TMEM201: variants seen among roughly 807,000 people sequenced by gnomAD.
TMEM201 encodes the protein RP13-15M17.2.
A neutral mutation model predicts 63.4 loss-of-function variants in TMEM201; 26 were observed. That is an observed-to-expected ratio of 0.41 (90% confidence interval 0.30 to 0.57). The LOEUF (loss-of-function observed/expected upper bound fraction) is 0.57, where lower values mean the gene tolerates loss of function less well. Ranked by LOEUF, TMEM201 falls within the 20% of genes least tolerant of loss-of-function variation. The probability of loss-of-function intolerance (pLI) is 0.29; values close to 1 mark genes in which losing one functional copy is unlikely to be tolerated. For missense variants in TMEM201, 794 were observed against 917.7 expected, an observed-to-expected ratio of 0.87 and a Z score of 1.74; for synonymous variants, 417 against 421.6, an observed-to-expected ratio of 0.99 and a Z score of 0.14.
At position 9,611,160 on chromosome 1, in the gene TMEM201, A is replaced by T. The variant is rs1328536454; in HGVS notation, c.1765+355A>T. ...TTATAGTTAGCCCCCAGCCTTTAAAACCTACAACTTTCAACTTTCACATGA... is the reference window on the plus strand; with the variant it reads ...TTATAGTTAGCCCCCAGCCTTTAAATCCTACAACTTTCAACTTTCACATGA... On this transcript the variant is annotated intron_variant, in intron 9 of 10. Coordinates refer to ENST00000340381, the MANE Select transcript of TMEM201 (RefSeq NM_001130924.3). The T allele has an allele frequency of 1.1e-5, 10 of 897,974 alleles. No individual in the cohort carries two copies. The Admixed American group carries it at 2.9e-4, about 26-fold the overall frequency. The allele number at this position is 897,974 out of a possible 1,614,324, so 55.6% of individuals were successfully genotyped here.
chr1:9,613,301 T>A lies in TMEM201; in HGVS notation c.*218T>A. On this transcript the variant is annotated 3_prime_UTR_variant, in exon 11 of 11. Transcript: ENST00000340381. ...AGGTCACACTCTCTGCCCACTCACC[T>A]CCTTGGCTGACATCGGTTGTGTTTG... The A allele has an allele frequency of 1.7e-6, 1 of 583,890 alleles. No homozygotes were observed. The highest frequency in any genetic ancestry group is 3.1e-6 in the Non-Finnish European group (1 of 327,126). 36.2% of individuals were successfully genotyped at this position (583,890 alleles called of 1,614,324 possible). A position where few individuals can be genotyped will look rare whatever the true frequency, so the allele number is the denominator to read the frequency against.
Position 9,610,722 on chromosome 1 carries a change from C to T in TMEM201, c.1682C>T (p.Ser561Leu), listed in dbSNP as rs1390591100. 8 of 1,550,492 alleles carry T rather than the reference C, an allele frequency of 5.2e-6. No individual in the cohort carries two copies. The highest frequency in any genetic ancestry group is 2.4e-5 in the South Asian group (2 of 84,064). Residue 561 changes from serine to leucine, a missense_variant, in exon 9 of 11, where the codon TCG becomes TTG. Transcript: ENST00000340381. The surrounding 1 kb of genome is among the most constrained non-coding windows in gnomAD (Gnocchi z 4.9). ...PTTPSSSDEH[S>L]PHNGSLFTME... is the part of the protein sequence containing the mutation. ...ACGCCCAGCAGCTCCGATGAGCACTCGCCTCACAACGGCAGCCTCTTCACC... is the reference window on the plus strand; with the variant it reads ...ACGCCCAGCAGCTCCGATGAGCACTTGCCTCACAACGGCAGCCTCTTCACC...
Position 9,604,907 on chromosome 1 carries a change from G to A in TMEM201, c.1160+2635G>A. On this transcript the variant is annotated intron_variant, in intron 6 of 10. Transcript: ENST00000340381. This position sits in a 1 kb window ranked among gnomAD's most constrained non-coding sequence, Gnocchi z 4.1. ...GCGCCTGGCCTAGATGTCGTGTTTT[G>A]GATGCTGTGTTTTCAATAAATGCCT... is the stretch of plus-strand genomic sequence containing the variant. 1.0e-6 allele frequency: 1 copy of A among 985,876 alleles called. No individual in the cohort carries two copies. Among genetic ancestry groups the A allele is most frequent in the African/African-American group, 1.7e-5 (1 of 57,340 alleles). 61.1% of individuals were successfully genotyped at this position (985,876 alleles called of 1,614,324 possible). A position where few individuals can be genotyped will look rare whatever the true frequency, so the allele number is the denominator to read the frequency against.
At chr1:9,598,424 C>G (rs951989917) in intron 3 of TMEM201, 25 bp from the exon 4 acceptor site, 1 of 1,599,410 alleles carries the variant, frequency 6.3e-7, no homozygotes, top group South Asian at 1.1e-5. Flanking sequence ...CTGCAGATGC[C>G]GAGCCTGTTC....
At position 9,610,594 on chromosome 1, in the gene TMEM201, C is replaced by T. The variant is rs1293350868; in HGVS notation, c.1554C>T (p.Ser518=). 13 of 1,550,460 alleles carry T rather than the reference C, an allele frequency of 8.4e-6. No homozygotes were observed. The East Asian group carries it at 2.0e-4, about 23-fold the overall frequency. ...PSVAGSVASS[S]GSLRHRRPLI... is the part of the protein sequence containing the mutation. ...TGGCCGGCTCGGTGGCCTCCAGCTCCGGCTCTCTGCGCCACCGCAGGCCCC... is the reference window on the plus strand; with the variant it reads ...TGGCCGGCTCGGTGGCCTCCAGCTCTGGCTCTCTGCGCCACCGCAGGCCCC... Residue 518 remains serine (S), a synonymous_variant, in exon 9 of 11, where the codon TCC becomes TCT. Coordinates refer to ENST00000340381, the MANE Select transcript of TMEM201 (RefSeq NM_001130924.3). This position sits in a 1 kb window ranked among gnomAD's most constrained non-coding sequence, Gnocchi z 4.9.
Position 9,609,922 on chromosome 1 carries a change from CAG to C in TMEM201, c.1465+16_1465+17del. ...AGTTTCCTGTTTCAGGTGAGGAAGACAGAGAGCTAAGTGGGGGACGGGGCAAC... is the reference window on the plus strand; with the variant it reads ...AGTTTCCTGTTTCAGGTGAGGAAGACAGAGCTAAGTGGGGGACGGGGCAAC... On this transcript the variant is annotated intron_variant, in intron 8 of 10. Transcript: ENST00000340381. The C allele has an allele frequency of 6.4e-7, 1 of 1,551,164 alleles. No homozygotes were observed. Among genetic ancestry groups the C allele is most frequent in the South Asian group, 1.2e-5 (1 of 84,056 alleles).
chr1:9,594,107 C>T (rs1156713748), intron 1 of TMEM201, among the ~76,000 whole-genome samples: 3 of 152,254 alleles, frequency 2.0e-5, no homozygotes, highest in Non-Finnish European at 2.9e-5. Flanking sequence ...CTCACAGTGG[C>T]CTCTCCTGGG....
rs1644270308 is a variant in TMEM201 at position 9,607,886 on chromosome 1, T to C, written c.1393+97T>C. On this transcript the variant is annotated intron_variant, in intron 7 of 10. Transcript: ENST00000340381. This position sits in a 1 kb window ranked among gnomAD's most constrained non-coding sequence, Gnocchi z 5.4. ...TAGTGTAGGGAGGGCCGGGAGTGGT[T>C]AGTGTTCCTGCTGCAGAGACAGGCA... 3 of 1,177,226 alleles carry C rather than the reference T, an allele frequency of 2.5e-6. No homozygotes were observed. Among genetic ancestry groups the C allele is most frequent in the Non-Finnish European group, 3.6e-6 (3 of 844,392 alleles). 72.9% of individuals were successfully genotyped at this position (1,177,226 alleles called of 1,614,324 possible).
In TMEM201 at chr1:9,603,216, C is replaced by T. The variant is rs185958537; in HGVS notation, c.1160+944C>T. The T allele has an allele frequency of 2.7e-4, 262 of 985,498 alleles. No individual in the cohort carries two copies. The African/African-American group carries it at 4.4e-3, about 17-fold the overall frequency. 61.0% of individuals were successfully genotyped at this position (985,498 alleles called of 1,614,324 possible). A position where few individuals can be genotyped will look rare whatever the true frequency, so the allele number is the denominator to read the frequency against. On this transcript the variant is annotated intron_variant, in intron 6 of 10. Coordinates refer to ENST00000340381, the MANE Select transcript of TMEM201 (RefSeq NM_001130924.3). The surrounding 1 kb of genome is among the most constrained non-coding windows in gnomAD (Gnocchi z 4.5). ...TCAGGTGAGGGGGCAGCCCACAGAC[C>T]TGCTCCTCAGTAGCAGGGCCTGGCC... is the stretch of plus-strand genomic sequence containing the variant.
intron 4 of TMEM201, among the ~76,000 whole-genome samples, chr1:9,600,685 G>A (rs1022024090): frequency 9.9e-5 from 15 of 152,100 alleles, no homozygotes; most frequent in African/African-American, 3.1e-4. Context: ...TTGGGAGGCC[G>A]AGGCTGGTGG....
intron 10 of TMEM201, 105 bp downstream of exon 10, chr1:9,611,995 T>C: frequency 3.7e-6 from 5 of 1,346,104 alleles, no homozygotes; most frequent in Non-Finnish European, 4.9e-6. Context: ...TTCCAGGACA[T>C]TGCAGTCCCT....
chr1:9,596,737 A>G lies in TMEM201; in HGVS notation c.235-122A>G. On this transcript the variant is annotated intron_variant, in intron 2 of 10. Coordinates refer to ENST00000340381, the MANE Select transcript of TMEM201 (RefSeq NM_001130924.3). ...TGCTGTTGTGTGCAGAAGAAAAAAA[A>G]GAATGGAGATGTTTGAGATCTACCA... 4.0e-6 allele frequency: 4 copies of G among 1,009,556 alleles called. No individual in the cohort carries two copies. In the South Asian group the frequency reaches 5.3e-5, roughly 13 times the overall value. 62.5% of individuals were successfully genotyped at this position (1,009,556 alleles called of 1,614,324 possible).
At chr1:9,596,062 A>C in intron 2 of TMEM201, 52 bp downstream of exon 2, 1 of 1,593,048 alleles carries the variant, frequency 6.3e-7, no homozygotes, top group Non-Finnish European at 8.5e-7. Flanking sequence ...GGGGATCTTG[A>C]GATTTGCACC....
At chr1:9,596,518 A>C (rs370503638) in intron 2 of TMEM201, among the ~76,000 whole-genome samples, 5 of 152,306 alleles carry the variant, frequency 3.3e-5, no homozygotes, top group African/African-American at 9.6e-5. Context: ...CACGGGTCAT[A>C]GTGTGCTGTC....
rs1644311705 is a variant in TMEM201, at chr1:9,610,709, T to G, written c.1669T>G (p.Ser557Ala). The change falls in exon 9 of 11, where the codon TCC becomes GCC. Residue 557 changes from serine (S) to alanine (A), a missense_variant. Ser to Ala is a moderately conservative substitution (Grantham distance 99, BLOSUM62 1). Coordinates refer to ENST00000340381, the MANE Select transcript of TMEM201 (RefSeq NM_001130924.3). This position sits in a 1 kb window ranked among gnomAD's most constrained non-coding sequence, Gnocchi z 4.9. ...AGAGGCCCCCACCACGCCCAGCAGC[T>G]CCGATGAGCACTCGCCTCACAACGG... ...PGEAPTTPSS[S>A]DEHSPHNGSL... 6.4e-7 allele frequency: 1 copy of G among 1,550,474 alleles called. No homozygotes were observed. Among genetic ancestry groups the G allele is most frequent in the East Asian group, 2.4e-5 (1 of 40,912 alleles).
chr1:9,607,425 G>A lies in TMEM201; in HGVS notation c.1161-132G>A, dbSNP rs1006874444. On this transcript the variant is annotated intron_variant, in intron 6 of 10. Transcript: ENST00000340381. This position sits in a 1 kb window ranked among gnomAD's most constrained non-coding sequence, Gnocchi z 5.4. ...GGATTGCTTTTCTGCTTTAACTAAC[G>A]CACGCCTCCTCTGGGACCCCAGCTG... 6 of 667,382 alleles carry A rather than the reference G, an allele frequency of 9.0e-6. No individual in the cohort carries two copies. Among genetic ancestry groups the A allele is most frequent in the Admixed American group, 3.0e-5 (1 of 33,034 alleles). The allele number at this position is 667,382 out of a possible 1,614,324, so 41.3% of individuals were successfully genotyped here.
Position 9,610,595 on chromosome 1 carries a change from G to C in TMEM201, c.1555G>C (p.Gly519Arg). 1 of 1,550,304 alleles carries C rather than the reference G, an allele frequency of 6.5e-7. No homozygotes were observed. The highest frequency in any genetic ancestry group is 8.7e-7 in the Non-Finnish European group (1 of 1,146,854). ...GGCCGGCTCGGTGGCCTCCAGCTCC[G>C]GCTCTCTGCGCCACCGCAGGCCCCT... Reference protein sequence around the residue: ...SVAGSVASSSGSLRHRRPLIS... With the variant: ...SVAGSVASSSRSLRHRRPLIS... Residue 519 changes from glycine to arginine, a missense_variant, in exon 9 of 11, where the codon GGC becomes CGC. Transcript: ENST00000340381. This position sits in a 1 kb window ranked among gnomAD's most constrained non-coding sequence, Gnocchi z 4.9.
rs1644007854 is a variant in TMEM201, at chr1:9,595,843, A to C, written c.114-47A>C. 4 of 1,608,952 alleles carry C rather than the reference A, an allele frequency of 2.5e-6. No homozygotes were observed. The East Asian group carries it at 8.9e-5, about 36-fold the overall frequency. ...CAGGGCATGGAGGTCCCTCTCCAGCAGGTGCTGGGGTCTTCCAGGCCAACC... is the reference window on the plus strand; with the variant it reads ...CAGGGCATGGAGGTCCCTCTCCAGCCGGTGCTGGGGTCTTCCAGGCCAACC... On this transcript the variant is annotated intron_variant, in intron 1 of 10. Coordinates refer to ENST00000340381, the MANE Select transcript of TMEM201 (RefSeq NM_001130924.3).
Position 9,607,418 on chromosome 1 carries a change from A to G in TMEM201, c.1161-139A>G, listed in dbSNP as rs1644261334. On this transcript the variant is annotated intron_variant, in intron 6 of 10. Transcript: ENST00000340381. The surrounding 1 kb of genome is among the most constrained non-coding windows in gnomAD (Gnocchi z 5.4). ...TGTGGTCGGATTGCTTTTCTGCTTT[A>G]ACTAACGCACGCCTCCTCTGGGACC... 3.1e-6 allele frequency: 2 copies of G among 653,028 alleles called. No homozygotes were observed. The highest frequency in any genetic ancestry group is 5.2e-6 in the Non-Finnish European group (2 of 388,100). The allele number at this position is 653,028 out of a possible 1,614,324, so 40.5% of individuals were successfully genotyped here. A position where few individuals can be genotyped will look rare whatever the true frequency, so the allele number is the denominator to read the frequency against.
Sources: gnomAD v4.1 joint callset for allele counts (sites outside exome capture counted in the v4.1 genomes callset) on GRCh38, gnomAD v4.1.1 for gene constraint, Gnocchi (gnomAD v3.1) non-coding constraint, MANE v1.5 for transcripts, NCBI Gene and HGNC (gene_info 2026-07-23, HGNC 2026-07-21) for gene names.